The following ST6GALNAC5 variants were observed in gnomAD, a reference collection of about 807,000 sequenced individuals.
The protein encoded by ST6GALNAC5 is alpha-N-acetylgalactosaminide alpha-2,6-sialyltransferase 5.
Under a neutral mutation model 33.6 loss-of-function variants are expected in ST6GALNAC5, and 27 were observed. That is an observed-to-expected ratio of 0.80 (90% CI 0.59 to 1.11). The LOEUF is 1.11. Ranked by LOEUF, ST6GALNAC5 falls within the 50% of genes least tolerant of loss-of-function variation. The pLI is 0.00. For missense variants in ST6GALNAC5, 428 were observed against 454.0 expected (o/e 0.94, Z 0.52); for synonymous variants, 194 against 171.2 (o/e 1.13, Z -1.04).
At chr1:76,947,071 G>A (rs140770451) in intron 2 of ST6GALNAC5, among the ~76,000 whole-genome samples, 287 of 152,084 alleles carry the variant, frequency 1.9e-3, no homozygotes, top group African/African-American at 6.6e-3. Flanking sequence ...TTTTTTATTA[G>A]CAGCAAATTA....
At chr1:76,909,402 G>T (rs1167346510) in intron 2 of ST6GALNAC5, among the ~76,000 whole-genome samples, 1 of 152,054 alleles carries the variant, frequency 6.6e-6, no homozygotes, top group Non-Finnish European at 1.5e-5. Context: ...TTGCAGGGTT[G>T]TTATGAAGTA....
At chr1:76,918,616 CAA>C (rs5775368) in intron 2 of ST6GALNAC5, among the ~76,000 whole-genome samples, 3 of 76,570 alleles carry the variant, frequency 3.9e-5, no homozygotes, top group Non-Finnish European at 7.1e-5. Flanking sequence ...GACTCCATCT[CAA>C]AAAAAAAAAA....
At chr1:76,892,899 C>G (rs4949753) in intron 2 of ST6GALNAC5, among the ~76,000 whole-genome samples, 2 of 152,014 alleles carry the variant, frequency 1.3e-5, no homozygotes, top group South Asian at 2.1e-4. Context: ...TAGCCAGGGC[C>G]TCTAGCTGCT....
At chr1:76,893,732 C>T (rs1057107757) in intron 2 of ST6GALNAC5, among the ~76,000 whole-genome samples, 4 of 152,164 alleles carry the variant, frequency 2.6e-5, no homozygotes, top group Admixed American at 6.5e-5. Flanking sequence ...GCGATCTCGG[C>T]TCACTGCAAC....
intron 2 of ST6GALNAC5, among the ~76,000 whole-genome samples, chr1:76,955,491 G>T (rs1172265481): frequency 6.6e-6 from 1 of 152,036 alleles, no homozygotes; most frequent in African/African-American, 2.4e-5. Context: ...GTTTTTCTGT[G>T]ATATTCCCCA....
chr1:77,055,754 G>T (rs1315640113), intron 4 of ST6GALNAC5, among the ~76,000 whole-genome samples: 1 of 152,106 alleles, frequency 6.6e-6, no homozygotes, highest in South Asian at 2.1e-4. Flanking sequence ...TCACTGATTG[G>T]TTTGTCCATC....
At chr1:76,900,213 G>A (rs541465167) in intron 2 of ST6GALNAC5, among the ~76,000 whole-genome samples, 19 of 152,256 alleles carry the variant, frequency 1.2e-4, no homozygotes, top group Middle Eastern at 3.4e-3. Context: ...TTTGAGCCAG[G>A]ATGAGCCAGG....
chr1:77,055,002 G>A (rs1213619506), intron 4 of ST6GALNAC5, among the ~76,000 whole-genome samples: 1 of 152,060 alleles, frequency 6.6e-6, no homozygotes, highest in Non-Finnish European at 1.5e-5. Flanking sequence ...TGAATGGCAT[G>A]CAGCATCTTT....
intron 2 of ST6GALNAC5, among the ~76,000 whole-genome samples, chr1:76,912,007 T>C (rs1349822922): frequency 6.6e-6 from 1 of 152,202 alleles, no homozygotes; most frequent in Non-Finnish European, 1.5e-5. Context: ...GTTCTTATAA[T>C]TGTGATGTTC....
chr1:76,932,831 G>T (rs895016441), intron 2 of ST6GALNAC5, among the ~76,000 whole-genome samples: 1 of 152,004 alleles, frequency 6.6e-6, no homozygotes, highest in African/African-American at 2.4e-5. Flanking sequence ...ATTAGGATTA[G>T]TTCTTCAGAT....
intron 2 of ST6GALNAC5, among the ~76,000 whole-genome samples, chr1:77,029,371 T>C (rs1651367214): frequency 6.6e-6 from 1 of 152,222 alleles, no homozygotes; most frequent in African/African-American, 2.4e-5. Context: ...CTATGTCTCA[T>C]CCAAACCATG....
rs1001888498 is a variant in ST6GALNAC5, at chr1:77,063,319, AG to A, written c.*115del. On this transcript the variant is annotated 3_prime_UTR_variant, in exon 5 of 5. Transcript: ENST00000477717. ...GTAGCAGAAAACAGCTTCACTCCTC[AG>A]GAAGTACCATGGACAGACGCCTACC... The A allele has an allele frequency of 1.1e-6, 1 of 914,674 alleles. No individual in the cohort carries two copies. Among genetic ancestry groups the A allele is most frequent in the Non-Finnish European group, 1.7e-6 (1 of 594,126 alleles). 56.7% of individuals were successfully genotyped at this position (914,674 alleles called of 1,614,324 possible).
intron 2 of ST6GALNAC5, among the ~76,000 whole-genome samples, chr1:76,997,728 G>T (rs1570071189): frequency 6.6e-6 from 1 of 152,136 alleles, no homozygotes; most frequent in East Asian, 1.9e-4. Flanking sequence ...ACTGAGCATG[G>T]TGGCTCACAC....
chr1:77,032,428 C>A (rs1396729710), intron 2 of ST6GALNAC5, among the ~76,000 whole-genome samples: 1 of 152,086 alleles, frequency 6.6e-6, no homozygotes, highest in African/African-American at 2.4e-5. Context: ...GGGGAAGCAA[C>A]CTGCAGGAAG....
At chr1:76,905,824 A>T in intron 2 of ST6GALNAC5, among the ~76,000 whole-genome samples, 1 of 152,176 alleles carries the variant, frequency 6.6e-6, no homozygotes. Flanking sequence ...GTAGGTTTAG[A>T]TTTATTTGAC....
intron 2 of ST6GALNAC5, among the ~76,000 whole-genome samples, chr1:76,976,024 G>T (rs749081449): frequency 6.6e-6 from 1 of 152,154 alleles, no homozygotes; most frequent in Non-Finnish European, 1.5e-5. Flanking sequence ...GAAACCCGGA[G>T]GTGGAGACTG....
At chr1:77,006,158 TTTTA>T (rs1201287571) in intron 2 of ST6GALNAC5, among the ~76,000 whole-genome samples, 8 of 151,966 alleles carry the variant, frequency 5.3e-5, no homozygotes, top group South Asian at 4.2e-4. Flanking sequence ...GTTGTTGTTG[TTTTA>T]TTTGTTTGTT....
chr1:76,969,173 A>C (rs953486421), intron 2 of ST6GALNAC5, among the ~76,000 whole-genome samples: 6 of 152,190 alleles, frequency 3.9e-5, no homozygotes, highest in Admixed American at 3.9e-4. Context: ...ACTGTTGGAC[A>C]GGGGGTGTAG....
At chr1:76,921,158 A>G in intron 2 of ST6GALNAC5, among the ~76,000 whole-genome samples, 1 of 152,140 alleles carries the variant, frequency 6.6e-6, no homozygotes, top group Non-Finnish European at 1.5e-5. Context: ...AAAGAAAGTT[A>G]CAAATGTGGC....
Sources: gnomAD v4.1 joint callset for allele counts (sites outside exome capture counted in the v4.1 genomes callset) on GRCh38, gnomAD v4.1.1 for gene constraint, MANE v1.5 for transcripts, NCBI Gene and HGNC (gene_info 2026-07-23, HGNC 2026-07-21) for gene names.